CERS6: variants seen among roughly 807,000 people sequenced by gnomAD.
The protein encoded by CERS6 is LAG1 homolog, ceramide synthase 6.
A neutral mutation model predicts 56.8 loss-of-function variants in CERS6; 26 were observed. The observed-to-expected ratio is 0.46, with a 90% CI of 0.34 to 0.63. The LOEUF (loss-of-function observed/expected upper bound fraction) is 0.63, where lower values mean the gene tolerates loss of function less well. CERS6 is among the 30% of genes least tolerant of loss of function. The probability of loss-of-function intolerance (pLI) is 0.01; values close to 1 mark genes in which losing one functional copy is unlikely to be tolerated. For synonymous variants in CERS6, 164 were observed against 173.3 expected (o/e 0.95, Z 0.42); for missense variants, 415 against 467.5 (o/e 0.89, Z 1.04).
At chr2:168,533,038 G>T (rs1186781934) in intron 1 of CERS6, among the ~76,000 whole-genome samples, 2 of 152,156 alleles carry the variant, frequency 1.3e-5, no homozygotes, top group Admixed American at 1.3e-4. Flanking sequence ...AATACACATT[G>T]TCTTAACCCT....
chr2:168,654,872 T>C (rs1685431219), intron 4 of CERS6, among the ~76,000 whole-genome samples: 1 of 152,250 alleles, frequency 6.6e-6, no homozygotes, highest in South Asian at 2.1e-4. Context: ...ATGAAGTACC[T>C]GAAGACCAGG....
Position 168,715,087 on chromosome 2 carries a change from G to C in CERS6, c.696G>C (p.Thr232=). ...SYVNNMARVG[T]LVLCLHDSAD... ...TCAACAATATGGCCCGAGTAGGAAC[G>C]CTGGTCCTTTGTCTTCATGATTCAG... is the stretch of plus-strand genomic sequence containing the variant. The change falls in exon 7 of 10, where the codon ACG becomes ACC. Residue 232 remains threonine, a synonymous_variant. Coordinates refer to ENST00000305747, the MANE Select transcript of CERS6 (RefSeq NM_203463.3). 1 of 1,612,658 alleles carries C rather than the reference G, an allele frequency of 6.2e-7. No individual in the cohort carries two copies. The highest frequency in any genetic ancestry group is 8.5e-7 in the Non-Finnish European group (1 of 1,179,254).
chr2:168,582,771 C>T (rs1683449057), intron 3 of CERS6, among the ~76,000 whole-genome samples: 1 of 152,186 alleles, frequency 6.6e-6, no homozygotes, highest in Non-Finnish European at 1.5e-5. Context: ...AAATTGCATA[C>T]ATACAACAGC....
chr2:168,608,052 TG>T (rs1684096425), intron 3 of CERS6, among the ~76,000 whole-genome samples: 2 of 152,234 alleles, frequency 1.3e-5, no homozygotes, highest in Non-Finnish European at 2.9e-5. Flanking sequence ...TTCACTCCCT[TG>T]TACTCCCAGT....
intron 4 of CERS6, among the ~76,000 whole-genome samples, chr2:168,649,356 C>A (rs1338524562): frequency 6.6e-6 from 1 of 152,122 alleles, no homozygotes; most frequent in Non-Finnish European, 1.5e-5. Flanking sequence ...GTCAAATGGC[C>A]TCTCCTGGTA....
At chr2:168,749,082 C>T (rs1244628961) in intron 8 of CERS6, among the ~76,000 whole-genome samples, 2 of 151,452 alleles carry the variant, frequency 1.3e-5, no homozygotes, top group African/African-American at 4.9e-5. Context: ...TCTCCTATAT[C>T]TTCCAAAATT....
At chr2:168,600,212 T>TCTC (rs1559015214) in intron 3 of CERS6, among the ~76,000 whole-genome samples, 5 of 15,892 alleles carry the variant, frequency 3.1e-4, no homozygotes, top group Admixed American at 6.5e-4. Flanking sequence ...CTCTCTCTCT[T>TCTC]TTTTTTTTTT....
chr2:168,688,877 T>C (rs1686425168), intron 4 of CERS6, among the ~76,000 whole-genome samples: 1 of 152,138 alleles, frequency 6.6e-6, no homozygotes, highest in Non-Finnish European at 1.5e-5. Flanking sequence ...AAAGCAGATC[T>C]AGGGGATGCA....
intron 4 of CERS6, among the ~76,000 whole-genome samples, chr2:168,640,892 T>A (rs941615575): frequency 1.3e-4 from 20 of 152,166 alleles, no homozygotes; most frequent in African/African-American, 4.8e-4. Flanking sequence ...TCTCATCTTA[T>A]TAACTCATTC....
chr2:168,717,863 C>A lies in CERS6; in HGVS notation c.739-9C>A, dbSNP rs1687264933. The A allele has an allele frequency of 1.2e-6, 2 of 1,603,480 alleles. No homozygotes were observed. Among genetic ancestry groups the A allele is most frequent in the Non-Finnish European group, 1.7e-6 (2 of 1,171,360 alleles). The stretch of plus-strand genomic sequence containing the variant: ...CTACATTAATATATCACATTCCTTT[C>A]TTTCATAGGCTGCCAAAATGGCAAA... On this transcript the variant is annotated splice_polypyrimidine_tract_variant and intron_variant, in intron 7 of 9. Transcript: ENST00000305747.
At chr2:168,492,261 C>T (rs1694387837) in intron 1 of CERS6, among the ~76,000 whole-genome samples, 1 of 152,342 alleles carries the variant, frequency 6.6e-6, no homozygotes, top group African/African-American at 2.4e-5. Flanking sequence ...TCCTATTCGT[C>T]CACATCCTCT....
intron 4 of CERS6, among the ~76,000 whole-genome samples, chr2:168,675,794 C>G (rs143210194): frequency 0.057 from 8,728 of 151,838 alleles, 367 homozygotes; most frequent in Middle Eastern, 0.082. Flanking sequence ...TCAAGCGGTT[C>G]TCTTGCCTCA....
At chr2:168,458,613 A>G (rs1434060770) in intron 1 of CERS6, among the ~76,000 whole-genome samples, 1 of 152,252 alleles carries the variant, frequency 6.6e-6, no homozygotes, top group East Asian at 1.9e-4. Context: ...ATATTGATAT[A>G]AAGTGAGTTG....
chr2:168,766,724 A>G (rs887357278), intron 9 of CERS6, among the ~76,000 whole-genome samples: 1 of 152,244 alleles, frequency 6.6e-6, no homozygotes, highest in Admixed American at 6.5e-5. Context: ...GAGAGGATCA[A>G]CACATTGCAG....
intron 4 of CERS6, 122 bp from the exon 5 acceptor site, chr2:168,690,912 A>G (rs1312355718): frequency 1.3e-6 from 1 of 786,302 alleles, no homozygotes; most frequent in Non-Finnish European, 2.1e-6. Context: ...AAAGTTTGTC[A>G]GTTCTCACAC....
At chr2:168,517,809 T>C (rs1222353833) in intron 1 of CERS6, among the ~76,000 whole-genome samples, 2 of 152,190 alleles carry the variant, frequency 1.3e-5, no homozygotes, top group Non-Finnish European at 2.9e-5. Flanking sequence ...GGTTACTCCC[T>C]TTTTGATTAT....
rs528219400 is a variant in CERS6, at chr2:168,486,878, C to G, written c.170+30260C>G. Among the ~76,000 whole-genome samples, 14 of 152,266 alleles carry G rather than the reference C, an allele frequency of 9.2e-5. No individual in the cohort carries two copies. The South Asian group carries it at 2.9e-3, about 32-fold the overall frequency. ...TTTCACATCTCCTTGTCCTTATCCA[C>G]TTATTCATTGCTAGCTTTCACCGCT... On this transcript the variant is annotated intron_variant, in intron 1 of 9. Transcript: ENST00000305747.
intron 1 of CERS6, among the ~76,000 whole-genome samples, chr2:168,542,621 A>AT (rs1198715360): frequency 1.3e-5 from 2 of 152,042 alleles, no homozygotes; most frequent in East Asian, 1.9e-4. Context: ...ACATATGTTT[A>AT]TTTTTTTTAA....
intron 3 of CERS6, among the ~76,000 whole-genome samples, chr2:168,579,274 G>T (rs915775508): frequency 1.4e-4 from 22 of 152,114 alleles, no homozygotes; most frequent in African/African-American, 5.3e-4. Flanking sequence ...CGTGGAGTTG[G>T]GGGGGCACTG....
Sources: allele counts gnomAD v4.1 joint callset (sites outside exome capture counted in the v4.1 genomes callset), GRCh38; gene constraint gnomAD v4.1.1; transcripts MANE v1.5; gene names NCBI Gene and HGNC (gene_info 2026-07-23, HGNC 2026-07-21).